VPS13C: variants seen among roughly 807,000 people sequenced by gnomAD.
VPS13C encodes the protein vacuolar protein sorting 13 homolog C.
VPS13C carries 358 observed loss-of-function variants against 456.8 expected under a neutral mutation model. The observed-to-expected ratio is 0.78, with a 90% CI of 0.72 to 0.86. VPS13C has a LOEUF of 0.86. Among genes scored for constraint, VPS13C ranks in the 40% least tolerant of loss-of-function variants. The pLI, the probability that VPS13C is intolerant of heterozygous loss-of-function variation, is 0.00. For synonymous variants in VPS13C, 1,578 were observed against 1,486.7 expected (o/e 1.06, Z -1.41); for missense variants, 4,818 against 4,385.4 (o/e 1.10, Z -2.79).
chr15:61,901,309 C>T (rs1221553718), intron 66 of VPS13C, among the ~76,000 whole-genome samples: 4 of 152,082 alleles, frequency 2.6e-5, no homozygotes, highest in Non-Finnish European at 5.9e-5. Flanking sequence ...AAACTACCAT[C>T]AGAGTGAACA....
intron 33 of VPS13C, 78 bp downstream of exon 33, chr15:61,962,671 T>G: frequency 7.6e-7 from 1 of 1,321,046 alleles, no homozygotes; most frequent in Non-Finnish European, 1.0e-6. Flanking sequence ...TTAATGTTTT[T>G]AAAATAAAAT....
Position 61,927,265 on chromosome 15 carries a change from C to A in VPS13C, c.6342G>T (p.Val2114=). Residue 2114 remains valine (V), a synonymous_variant, in exon 52 of 85, where the codon GTG becomes GTT. Coordinates refer to ENST00000644861, the MANE Select transcript of VPS13C (RefSeq NM_020821.3). Reference sequence around the variant, plus strand: ...CCTTTGTCAGGCTGGCAACAAATACCACTTCTGGATCTGTGATCATGGCCT... The same window carrying A: ...CCTTTGTCAGGCTGGCAACAAATACAACTTCTGGATCTGTGATCATGGCCT... ...TLKAMITDPE[V]VFVASLTKAD... 1.9e-6 allele frequency: 3 copies of A among 1,614,162 alleles called. No homozygotes were observed. Among genetic ancestry groups the A allele is most frequent in the Non-Finnish European group, 2.5e-6 (3 of 1,180,026 alleles).
At chr15:61,900,731 C>A (rs369708035) in intron 66 of VPS13C, among the ~76,000 whole-genome samples, 99 of 151,064 alleles carry the variant, frequency 6.6e-4, no homozygotes, top group South Asian at 3.6e-3. Flanking sequence ...GCTACCAATG[C>A]CTTTCTTCAC....
chr15:61,900,421 GAT>G (rs975114308), intron 66 of VPS13C, among the ~76,000 whole-genome samples: 1 of 152,140 alleles, frequency 6.6e-6, no homozygotes, highest in Non-Finnish European at 1.5e-5. Context: ...AAAGTCTCAG[GAT>G]ACAAAATCAA....
intron 3 of VPS13C, 136 bp from the exon 4 acceptor site, chr15:62,035,188 C>A: frequency 2.2e-6 from 1 of 457,518 alleles, no homozygotes; most frequent in Non-Finnish European, 3.9e-6. Context: ...TGAAAAAAAT[C>A]CAACACTAAA....
rs180921068 is a variant in VPS13C, at chr15:61,887,777, A to T, written c.9341+2388T>A. 7.2e-5 allele frequency among the ~76,000 whole-genome samples: 11 copies of T among 152,322 alleles called. No homozygotes were observed. The East Asian group carries it at 1.2e-3, about 16-fold the overall frequency. ...CTCCTAGAAGATAATAGGAGGAAAT[A>T]AAGCTAACTTTCGGTATAGTGGAGA... is the stretch of plus-strand genomic sequence containing the variant. On this transcript the variant is annotated intron_variant, in intron 67 of 84. Coordinates refer to ENST00000644861, the MANE Select transcript of VPS13C (RefSeq NM_020821.3).
intron 8 of VPS13C, 27 bp downstream of exon 8, chr15:62,023,384 T>C: frequency 2.4e-6 from 3 of 1,255,986 alleles, no homozygotes; most frequent in Non-Finnish European, 3.3e-6. Flanking sequence ...TATTTAATTA[T>C]TAACTGAGTA....
intron 1 of VPS13C, among the ~76,000 whole-genome samples, chr15:62,057,621 T>C (rs2048844442): frequency 6.6e-6 from 1 of 152,146 alleles, no homozygotes; most frequent in Non-Finnish European, 1.5e-5. Context: ...AGACACAATA[T>C]GTGAAAGAAA....
rs2140905007 is a variant in VPS13C at position 61,881,545 on chromosome 15, G to A, written c.9776+18C>T. The A allele has an allele frequency of 6.4e-7, 1 of 1,573,602 alleles. No individual in the cohort carries two copies. Among genetic ancestry groups the A allele is most frequent in the Non-Finnish European group, 8.6e-7 (1 of 1,163,012 alleles). On this transcript the variant is annotated intron_variant, in intron 71 of 84. Coordinates refer to ENST00000644861, the MANE Select transcript of VPS13C (RefSeq NM_020821.3). The stretch of plus-strand genomic sequence containing the variant: ...CATTTTAAATTCTTTTAGAGAAACA[G>A]CAGGAATCTTCACTTACTTGAACTG...
In VPS13C at chr15:61,910,299, GA is replaced by G; in HGVS notation, c.8721del (p.Pro2908HisfsTer13). ...KWNYIASSEC[L>X]PFWPESLSGK... is the part of the protein sequence containing the mutation. Reference sequence around the variant, plus strand: ...CCTGACAAACTTTCTGGCCAAAATGGAAGGCACTAAAAATATAGAAGTTATT... The same window carrying G: ...CCTGACAAACTTTCTGGCCAAAATGGAGGCACTAAAAATATAGAAGTTATT... On this transcript the variant is annotated frameshift_variant, in exon 64 of 85. Transcript: ENST00000644861. LOFTEE classifies it high-confidence loss of function. The G allele has an allele frequency of 6.6e-7, 1 of 1,520,604 alleles. No individual in the cohort carries two copies. Among genetic ancestry groups the G allele is most frequent in the South Asian group, 1.3e-5 (1 of 76,418 alleles). 94.2% of individuals were successfully genotyped at this position (1,520,604 alleles called of 1,614,324 possible).
chr15:61,883,455 G>T (rs1896029084), intron 68 of VPS13C, among the ~76,000 whole-genome samples: 1 of 152,042 alleles, frequency 6.6e-6, no homozygotes, highest in Non-Finnish European at 1.5e-5. Context: ...GGGGGTGCTG[G>T]GGAATGTAAC....
chr15:61,963,345 G>A (rs978967783), intron 32 of VPS13C, among the ~76,000 whole-genome samples: 1 of 152,006 alleles, frequency 6.6e-6, no homozygotes, highest in Non-Finnish European at 1.5e-5. Flanking sequence ...AAAGCTAGAT[G>A]AGTTTTGGCA....
At chr15:61,974,067 A>G (rs1342293003) in intron 25 of VPS13C, among the ~76,000 whole-genome samples, 1 of 152,110 alleles carries the variant, frequency 6.6e-6, no homozygotes, top group African/African-American at 2.4e-5. Context: ...ATATAAGAAA[A>G]TTTTATATCA....
chr15:61,949,597 A>C lies in VPS13C; in HGVS notation c.4605T>G (p.Phe1535Leu). Residue 1535 changes from phenylalanine to leucine, a missense_variant, in exon 42 of 85, where the codon TTT becomes TTG. This residue lies in a region of VPS13C where 4,552 missense variants were observed against 4,130.6 expected (regional missense o/e 1.10). Coordinates refer to ENST00000644861, the MANE Select transcript of VPS13C (RefSeq NM_020821.3). ...DSTKQRLKVSFASLDLVLHLE... is the reference protein window; with the variant it reads ...DSTKQRLKVSLASLDLVLHLE... ...AATGAAGTACTAAGTCTAAGGATGC[A>C]AATGAAACCTAAGATAATGAACAAT... The C allele has an allele frequency of 6.3e-7, 1 of 1,594,508 alleles. No homozygotes were observed. The highest frequency in any genetic ancestry group is 8.5e-7 in the Non-Finnish European group (1 of 1,175,478).
At chr15:62,045,450 T>C (rs182425256) in intron 1 of VPS13C, among the ~76,000 whole-genome samples, 233 of 152,074 alleles carry the variant, frequency 1.5e-3, no homozygotes, top group Admixed American at 2.8e-3. Flanking sequence ...ATTTACTGGG[T>C]GGATAAGAAA....
chr15:61,996,305 G>A (rs1216557298), intron 16 of VPS13C, among the ~76,000 whole-genome samples: 1 of 152,164 alleles, frequency 6.6e-6, no homozygotes, highest in East Asian at 1.9e-4. Flanking sequence ...GAGCTGAACT[G>A]AAATCTGAAC....
chr15:61,959,522 T>A lies in VPS13C; in HGVS notation c.3982A>T (p.Asn1328Tyr). The A allele has an allele frequency of 1.1e-5, 18 of 1,613,122 alleles. No individual in the cohort carries two copies. Among genetic ancestry groups the A allele is most frequent in the Non-Finnish European group, 1.5e-5 (18 of 1,179,388 alleles). ...LHPINLEFLV[N>Y]RNLAASWYHK... ...TACCAAGATGCAGCTAGATTCCGAT[T>A]TACAAGAAATTCCAAGTTAATTGGG... Residue 1328 changes from asparagine (N) to tyrosine (Y), a missense_variant, in exon 36 of 85, where the codon AAT (asparagine) becomes TAT (tyrosine). Physicochemically the swap from Asn to Tyr is moderately radical, Grantham distance 143. Around this residue, in one of 3 missense-constraint regions of VPS13C, gnomAD observed 4,552 missense variants for 4,130.6 expected, o/e 1.10. Coordinates refer to ENST00000644861, the MANE Select transcript of VPS13C (RefSeq NM_020821.3).
At chr15:61,907,089 G>C in intron 66 of VPS13C, 175 bp downstream of exon 66, 1 of 766,480 alleles carries the variant, frequency 1.3e-6, no homozygotes, top group Non-Finnish European at 2.1e-6. Flanking sequence ...TAGAGCTAAG[G>C]TAATATACTG....
At chr15:61,990,853 G>A (rs1163002724) in intron 18 of VPS13C, 147 bp downstream of exon 18, 5 of 606,386 alleles carry the variant, frequency 8.2e-6, no homozygotes, top group Non-Finnish European at 1.4e-5. Flanking sequence ...ATTTTAATTG[G>A]TAAAACCTGA....
Sources: allele counts gnomAD v4.1 joint callset (sites outside exome capture counted in the v4.1 genomes callset), GRCh38; gene constraint gnomAD v4.1.1; regional missense constraint gnomAD v4.1.1; transcripts MANE v1.5; gene names NCBI Gene and HGNC (gene_info 2026-07-23, HGNC 2026-07-21).